The following TNFAIP8 variants were observed in gnomAD, a reference collection of about 807,000 sequenced individuals.
TNFAIP8 encodes tumor necrosis factor alpha-induced protein 8.
In TNFAIP8, 7 loss-of-function variants were observed where a neutral mutation model predicts 13.3. The ratio of observed to expected loss-of-function variants is 0.52; its 90% CI spans 0.30 to 0.99. The LOEUF (loss-of-function observed/expected upper bound fraction) is 0.99. TNFAIP8 is among the 50% of genes least tolerant of loss of function. The probability of loss-of-function intolerance (pLI) is 0.07; values close to 1 mark genes in which losing one functional copy is unlikely to be tolerated. For synonymous variants in TNFAIP8, 94 were observed against 87.6 expected (o/e 1.07, Z -0.41); for missense variants, 258 against 236.9 (o/e 1.09, Z -0.58).
In TNFAIP8 at chr5:119,398,033, C is replaced by T. The variant is rs1358893473; in HGVS notation, c.*4652C>T. 1 of 152,202 alleles carries T rather than the reference C, an allele frequency of 6.6e-6. No homozygotes were observed. Among genetic ancestry groups the T allele is most frequent in the African/African-American group, 2.4e-5 (1 of 41,450 alleles). 9.4% of individuals were successfully genotyped at this position (152,202 alleles called of 1,614,324 possible). On this transcript the variant is annotated 3_prime_UTR_variant, in exon 2 of 2. Transcript: ENST00000504771. Reference sequence around the variant, plus strand: ...ATATGGACAAGTCAGTCAGCATTCACAATTAAGAGAAAAACATCTGTGCTT... The same window carrying T: ...ATATGGACAAGTCAGTCAGCATTCATAATTAAGAGAAAAACATCTGTGCTT...
At position 119,296,801 on chromosome 5, in the gene TNFAIP8, A is replaced by C. The variant is rs540603856; in HGVS notation, c.1+27894A>C. Among the ~76,000 whole-genome samples, 23 of 152,158 alleles carry C rather than the reference A, an allele frequency of 1.5e-4. No individual in the cohort carries two copies. The East Asian group carries it at 2.3e-3, about 15-fold the overall frequency. ...AGCTATTGATTATTGCCACAATTTC[A>C]GAGCCTGTTATTGGTCTATTCAGAG... On this transcript the variant is annotated intron_variant, in intron 1 of 1. Coordinates refer to the TNFAIP8 transcript ENST00000274456.
intron 1 of TNFAIP8, among the ~76,000 whole-genome samples, chr5:119,282,797 C>G (rs772370415): frequency 6.6e-6 from 1 of 152,182 alleles, no homozygotes; most frequent in Non-Finnish European, 1.5e-5. Flanking sequence ...TCCTTCCTGC[C>G]CTTTCCTTTC....
chr5:119,333,131 C>G, intron 1 of TNFAIP8: 1 of 801,896 alleles, frequency 1.2e-6, no homozygotes, highest in Middle Eastern at 6.4e-4. Flanking sequence ...GTATCTGTTT[C>G]TATTTTCTAG....
intron 1 of TNFAIP8, among the ~76,000 whole-genome samples, chr5:119,301,584 C>T (rs1749395607): frequency 6.6e-6 from 1 of 152,186 alleles, no homozygotes; most frequent in Admixed American, 6.5e-5. Context: ...ATCTGTATCT[C>T]ATTACTCAGG....
At chr5:119,364,907 A>G (rs1248813282) in intron 1 of TNFAIP8, among the ~76,000 whole-genome samples, 1 of 124,338 alleles carries the variant, frequency 8.0e-6, no homozygotes, top group African/African-American at 3.2e-5. Flanking sequence ...GCTGGAGTGC[A>G]GTGGCGCCAT....
chr5:119,300,978 C>T (rs1231857726), intron 1 of TNFAIP8, among the ~76,000 whole-genome samples: 2 of 152,118 alleles, frequency 1.3e-5, no homozygotes, highest in Non-Finnish European at 2.9e-5. Context: ...ACACTAAAAG[C>T]ATTACAAGTG....
Position 119,391,502 on chromosome 5 carries a change from G to A in TNFAIP8, c.32-1314G>A, listed in dbSNP as rs1290116017. On this transcript the variant is annotated intron_variant, in intron 1 of 1. Coordinates refer to ENST00000504771, the MANE Select transcript of TNFAIP8 (RefSeq NM_014350.4). ...GGGCCAGGTGCGGTGGCTCATGCCT[G>A]TAATCCCAGCACTTTGGGAGGCTGA... The A allele has an allele frequency of 2.2e-5, 15 of 687,470 alleles. No individual in the cohort carries two copies. The East Asian group carries it at 3.9e-4, about 18-fold the overall frequency. 42.6% of individuals were successfully genotyped at this position (687,470 alleles called of 1,614,324 possible).
chr5:119,363,186 C>T (rs1751698672), intron 1 of TNFAIP8, among the ~76,000 whole-genome samples: 1 of 152,216 alleles, frequency 6.6e-6, no homozygotes, highest in South Asian at 2.1e-4. Context: ...CCCGTGGAGG[C>T]TGTGGTCAGC....
intron 1 of TNFAIP8, among the ~76,000 whole-genome samples, chr5:119,328,254 A>G (rs766328678): frequency 1.3e-4 from 20 of 151,510 alleles, no homozygotes; most frequent in Admixed American, 3.3e-4. Flanking sequence ...CTTGTTTCCA[A>G]GAGACAACTC....
chr5:119,306,948 A>G (rs1392074634), intron 1 of TNFAIP8, among the ~76,000 whole-genome samples: 1 of 152,256 alleles, frequency 6.6e-6, no homozygotes, highest in Non-Finnish European at 1.5e-5. Flanking sequence ...TGCACGTTTC[A>G]TACATATATG....
Position 119,374,507 on chromosome 5 carries a change from A to G in TNFAIP8, c.32-18309A>G, listed in dbSNP as rs1752205865. ...GATGGAGAAGGTAACATTTTGAGAGAAAGGTGAGTAAGAAGTTGGCAGAAG... is the reference window on the plus strand; with the variant it reads ...GATGGAGAAGGTAACATTTTGAGAGGAAGGTGAGTAAGAAGTTGGCAGAAG... On this transcript the variant is annotated intron_variant, in intron 1 of 1. Transcript: ENST00000504771. Among the ~76,000 whole-genome samples, 3 of 152,186 alleles carry G rather than the reference A, an allele frequency of 2.0e-5. No individual in the cohort carries two copies. The South Asian group carries it at 6.2e-4, about 32-fold the overall frequency.
chr5:119,296,389 G>A (rs1265427916), intron 1 of TNFAIP8, among the ~76,000 whole-genome samples: 2 of 151,800 alleles, frequency 1.3e-5, no homozygotes, highest in African/African-American at 2.4e-5. Flanking sequence ...ATAATCATGT[G>A]GTTTTTGTCT....
intron 1 of TNFAIP8, among the ~76,000 whole-genome samples, chr5:119,344,963 T>C (rs1238540703): frequency 1.3e-5 from 2 of 152,194 alleles, no homozygotes; most frequent in Non-Finnish European, 2.9e-5. Flanking sequence ...GCTGGAAACA[T>C]GTAGGCTAGA....
upstream of TNFAIP8, chr5:119,355,870 C>T (rs979130038): frequency 5.3e-6 from 6 of 1,134,122 alleles, no homozygotes; most frequent in African/African-American, 8.3e-5. Context: ...CGGGGGCGGA[C>T]TCCCGCCGCC....
chr5:119,355,030 A>T (rs1039043869), upstream of TNFAIP8: 6 of 368,680 alleles, frequency 1.6e-5, no homozygotes, highest in Admixed American at 4.4e-5. Flanking sequence ...TATCAGTGGC[A>T]GCTCTTGTCC....
chr5:119,274,569 G>T, intron 1 of TNFAIP8, among the ~76,000 whole-genome samples: 1 of 152,326 alleles, frequency 6.6e-6, no homozygotes, highest in East Asian at 1.9e-4. Context: ...TTGCACACAC[G>T]TAGCCACTTT....
At chr5:119,303,119 C>T (rs1241566542) in intron 1 of TNFAIP8, among the ~76,000 whole-genome samples, 2 of 152,138 alleles carry the variant, frequency 1.3e-5, no homozygotes, top group African/African-American at 4.8e-5. Flanking sequence ...GAAACCAGAG[C>T]CTGGTTTCCC....
intron 1 of TNFAIP8, among the ~76,000 whole-genome samples, chr5:119,365,439 T>G (rs1459083788): frequency 6.6e-6 from 1 of 152,190 alleles, no homozygotes; most frequent in Non-Finnish European, 1.5e-5. Context: ...TTATTCCTTG[T>G]GAGAACCAAT....
At chr5:119,306,955 T>C (rs772484036) in intron 1 of TNFAIP8, among the ~76,000 whole-genome samples, 2 of 152,236 alleles carry the variant, frequency 1.3e-5, no homozygotes, top group Non-Finnish European at 2.9e-5. Flanking sequence ...TTCATACATA[T>C]ATGTACAAAT....
Sources: allele counts gnomAD v4.1 joint callset (sites outside exome capture counted in the v4.1 genomes callset), GRCh38; gene constraint gnomAD v4.1.1; transcripts MANE v1.5; gene names NCBI Gene and HGNC (gene_info 2026-07-23, HGNC 2026-07-21).